The following ELL2 variants were observed in gnomAD, a reference collection of about 807,000 sequenced individuals.
The protein encoded by ELL2 is RNA polymerase II elongation factor ELL2.
ELL2 carries 21 observed loss-of-function variants against 72.8 expected under a neutral mutation model. The observed-to-expected ratio is 0.29, with a 90% confidence interval of 0.20 to 0.42. The LOEUF is 0.42. Ranked by LOEUF, ELL2 falls within the 10% of genes least tolerant of loss-of-function variation. ELL2 has a pLI of 1.00. For synonymous variants in ELL2, 266 were observed against 283.2 expected, an observed-to-expected ratio of 0.94 and a Z score of 0.61; for missense variants, 568 against 772.8, an observed-to-expected ratio of 0.73 and a Z score of 3.14.
intron 1 of ELL2, among the ~76,000 whole-genome samples, chr5:95,951,380 AAAAT>A (rs566594776): frequency 1.1e-4 from 16 of 151,322 alleles, no homozygotes; most frequent in Admixed American, 1.3e-4. Flanking sequence ...AAAATAAAAT[AAAAT>A]AAATAAATAA....
intron 1 of ELL2, among the ~76,000 whole-genome samples, chr5:95,953,150 A>AT (rs990240629): frequency 3.3e-5 from 5 of 151,958 alleles, no homozygotes; most frequent in African/African-American, 7.3e-5. Context: ...TATAGTGTTC[A>AT]TTTTTTTTCA....
chr5:95,894,076 C>A (rs917827332), intron 9 of ELL2, among the ~76,000 whole-genome samples: 1 of 152,136 alleles, frequency 6.6e-6, no homozygotes, highest in African/African-American at 2.4e-5. Context: ...TATGGCGAAA[C>A]GCCATCTCTA....
At position 95,913,809 on chromosome 5, in the gene ELL2, C is replaced by T. The variant is rs1332853499; in HGVS notation, c.443G>A (p.Arg148Gln). 3 of 1,612,076 alleles carry T rather than the reference C, an allele frequency of 1.9e-6. No individual in the cohort carries two copies. The highest frequency in any genetic ancestry group is 1.1e-5 in the South Asian group (1 of 90,878). ...ACCGGGTTTGATAACTTTTGTGCTT[C>T]GGTTGCGGGATTCCTCCTCTGCCTG... ...MTQAEEESRNRSTKVIKPGGP... is the reference protein window; with the variant it reads ...MTQAEEESRNQSTKVIKPGGP... The change falls in exon 4 of 12, where the codon CGA becomes CAA. Residue 148 changes from arginine to glutamine, a missense_variant. By Grantham distance (43) the Arg-to-Gln change is conservative. This residue lies in a region of ELL2 where 511 missense variants were observed against 728.4 expected (regional missense o/e 0.70). Coordinates refer to ENST00000237853, the MANE Select transcript of ELL2 (RefSeq NM_012081.6).
At chr5:95,942,936 G>T in intron 2 of ELL2, 66 bp downstream of exon 2, 1 of 1,287,774 alleles carries the variant, frequency 7.8e-7, no homozygotes, top group South Asian at 1.9e-5. Context: ...ACTGAAAACG[G>T]ATTTTAAAAG....
intron 10 of ELL2, 137 bp from the exon 11 acceptor site, chr5:95,889,267 G>A (rs1364519366): frequency 4.2e-6 from 3 of 714,344 alleles, no homozygotes; most frequent in South Asian, 1.9e-5. Context: ...TTTATGGAAG[G>A]CAATGTGGCA....
chr5:95,936,262 G>T (rs1006847259), intron 2 of ELL2, among the ~76,000 whole-genome samples: 10 of 152,176 alleles, frequency 6.6e-5, no homozygotes, highest in African/African-American at 1.9e-4. Flanking sequence ...AGAGGTCAGA[G>T]GTTACCCAGA....
intron 3 of ELL2, among the ~76,000 whole-genome samples, chr5:95,917,167 T>C (rs1749844321): frequency 6.6e-6 from 1 of 152,210 alleles, no homozygotes; most frequent in Admixed American, 6.5e-5. Context: ...ACACTATAGG[T>C]CCTAGACTAT....
chr5:95,911,736 G>A (rs1438910764), intron 4 of ELL2, among the ~76,000 whole-genome samples: 1 of 152,104 alleles, frequency 6.6e-6, no homozygotes, highest in Non-Finnish European at 1.5e-5. Context: ...AAATAATCAA[G>A]GGGTTGGGAT....
At chr5:95,954,115 G>A (rs1219412550) in intron 1 of ELL2, among the ~76,000 whole-genome samples, 1 of 152,058 alleles carries the variant, frequency 6.6e-6, no homozygotes, top group Non-Finnish European at 1.5e-5. Flanking sequence ...GTTTATATAA[G>A]ACATGTTAAG....
At chr5:95,911,370 G>T (rs1366142232) in intron 4 of ELL2, among the ~76,000 whole-genome samples, 1 of 149,072 alleles carries the variant, frequency 6.7e-6, no homozygotes, top group Admixed American at 6.7e-5. Context: ...ACGGAGTCTC[G>T]CTCTGTCTCC....
chr5:95,927,556 C>CAT (rs1480657819), intron 2 of ELL2, among the ~76,000 whole-genome samples: 1 of 31,106 alleles, frequency 3.2e-5, no homozygotes, highest in Non-Finnish European at 5.2e-5. Flanking sequence ...CATACACACA[C>CAT]ACGTGTGTAT....
chr5:95,891,666 A>G (rs1748668470), intron 9 of ELL2, among the ~76,000 whole-genome samples: 1 of 152,256 alleles, frequency 6.6e-6, no homozygotes, highest in East Asian at 1.9e-4. Context: ...TCAATGGGTA[A>G]TGTGAAACCA....
intron 2 of ELL2, among the ~76,000 whole-genome samples, chr5:95,934,638 T>C (rs931250961): frequency 1.7e-4 from 26 of 152,198 alleles, no homozygotes; most frequent in Admixed American, 8.5e-4. Flanking sequence ...TCTCCACTGA[T>C]AGATGACAAA....
At chr5:95,903,346 G>A (rs866888538) in intron 5 of ELL2, among the ~76,000 whole-genome samples, 5 of 150,238 alleles carry the variant, frequency 3.3e-5, no homozygotes, top group African/African-American at 9.8e-5. Flanking sequence ...AGCCTCCTGA[G>A]TAGCTGGGAT....
chr5:95,906,728 T>C lies in ELL2; in HGVS notation c.536A>G (p.Glu179Gly), dbSNP rs775936306. 26 of 1,613,870 alleles carry C rather than the reference T, an allele frequency of 1.6e-5. No homozygotes were observed. The South Asian group carries it at 2.7e-4, about 17-fold the overall frequency. The change falls in exon 5 of 12, where the codon GAG becomes GGG. Residue 179 changes from glutamate (E) to glycine (G), a missense_variant. Glu to Gly is a moderately conservative substitution (Grantham distance 98, BLOSUM62 -2). Around this residue, in one of 2 missense-constraint regions of ELL2, gnomAD observed 511 missense variants for 728.4 expected, o/e 0.70. Coordinates refer to ENST00000237853, the MANE Select transcript of ELL2 (RefSeq NM_012081.6). ...GTTCATGGGGGTTGACCTTTTCCTC[T>C]CAGGAACTGTATCTGAAACAGCTTG... ...APQAVSDTVP[E>G]RKRSTPMNPA...
intron 1 of ELL2, among the ~76,000 whole-genome samples, chr5:95,959,852 T>G (rs532606230): frequency 6.6e-6 from 1 of 152,336 alleles, no homozygotes; most frequent in South Asian, 2.1e-4. Flanking sequence ...CCCAATTCTG[T>G]GAGTACCTTC....
intron 2 of ELL2, among the ~76,000 whole-genome samples, chr5:95,926,557 C>A (rs1750287498): frequency 6.6e-6 from 1 of 152,094 alleles, no homozygotes; most frequent in Non-Finnish European, 1.5e-5. Flanking sequence ...TCCTCTTTAG[C>A]AAGATGTATA....
chr5:95,944,799 C>T (rs1331711161), intron 1 of ELL2, among the ~76,000 whole-genome samples: 2 of 152,226 alleles, frequency 1.3e-5, no homozygotes, highest in Non-Finnish European at 2.9e-5. Context: ...TCCCTCATTA[C>T]ACTTCCCTCC....
chr5:95,909,268 C>A (rs1749490761), intron 4 of ELL2, among the ~76,000 whole-genome samples: 1 of 152,184 alleles, frequency 6.6e-6, no homozygotes, highest in South Asian at 2.1e-4. Flanking sequence ...GAATCCCCTA[C>A]CCCCAAAACA....
Sources: allele counts gnomAD v4.1 joint callset (sites outside exome capture counted in the v4.1 genomes callset), GRCh38; gene constraint gnomAD v4.1.1; regional missense constraint gnomAD v4.1.1; transcripts MANE v1.5; gene names NCBI Gene and HGNC (gene_info 2026-07-23, HGNC 2026-07-21).